SGCZ: variants seen among roughly 807,000 people sequenced by gnomAD.
SGCZ encodes sarcoglycan zeta.
Under a neutral mutation model 41.3 loss-of-function variants are expected in SGCZ, and 40 were observed. The ratio of observed to expected loss-of-function variants is 0.97; its 90% CI spans 0.75 to 1.26. SGCZ has a LOEUF of 1.26. Among genes scored for constraint, SGCZ ranks in the 50% most tolerant of loss-of-function variants. The pLI, the probability that SGCZ is intolerant of heterozygous loss-of-function variation, is 0.00. For missense variants in SGCZ, 552 were observed against 369.8 expected, an observed-to-expected ratio of 1.49 and a Z score of -4.04; for synonymous variants, 206 against 137.5, an observed-to-expected ratio of 1.50 and a Z score of -3.49.
intron 1 of SGCZ, among the ~76,000 whole-genome samples, chr8:15,127,447 T>C (rs559634339): frequency 6.6e-6 from 1 of 152,280 alleles, no homozygotes; most frequent in African/African-American, 2.4e-5. Flanking sequence ...AGACCAGATA[T>C]AGAGAGCAGT....
intron 1 of SGCZ, among the ~76,000 whole-genome samples, chr8:14,972,566 T>G (rs1415782204): frequency 1.3e-5 from 2 of 152,204 alleles, no homozygotes; most frequent in Non-Finnish European, 2.9e-5. Context: ...CTATTTGTTC[T>G]CTGCTCTTTT....
chr8:14,287,752 G>A (rs1209711475), intron 3 of SGCZ, among the ~76,000 whole-genome samples: 1 of 152,002 alleles, frequency 6.6e-6, no homozygotes, highest in South Asian at 2.1e-4. Flanking sequence ...ATCTCATTAA[G>A]CTACATTGAC....
At chr8:14,963,181 A>T (rs1161209206) in intron 1 of SGCZ, among the ~76,000 whole-genome samples, 1 of 152,230 alleles carries the variant, frequency 6.6e-6, no homozygotes, top group Non-Finnish European at 1.5e-5. Context: ...GCAGGTAACT[A>T]CATCGAACAC....
chr8:14,966,708 G>A lies in SGCZ; in HGVS notation c.39+270877C>T, dbSNP rs546770483. 2.2e-4 allele frequency among the ~76,000 whole-genome samples: 33 copies of A among 152,160 alleles called. No individual in the cohort carries two copies. In the South Asian group the frequency reaches 6.2e-3, roughly 29 times the overall value. On this transcript the variant is annotated intron_variant, in intron 1 of 7. Transcript: ENST00000382080. Reference sequence around the variant, plus strand: ...AATGTAACATGATATTAATGTGCACGCACCTGCTTTAAAAACGCTTTGGGT... The same window carrying A: ...AATGTAACATGATATTAATGTGCACACACCTGCTTTAAAAACGCTTTGGGT...
chr8:14,349,078 T>G (rs536504356), intron 2 of SGCZ, among the ~76,000 whole-genome samples: 1 of 152,152 alleles, frequency 6.6e-6, no homozygotes, highest in African/African-American at 2.4e-5. Context: ...GACAACATTG[T>G]AAATTGTGGG....
intron 4 of SGCZ, among the ~76,000 whole-genome samples, chr8:14,199,699 G>A (rs2117066702): frequency 6.6e-6 from 1 of 152,174 alleles, no homozygotes; most frequent in East Asian, 1.9e-4. Context: ...AAAGCTTAGG[G>A]AAAATAGAAA....
At chr8:14,103,755 C>CTATT (rs2116988007) in intron 6 of SGCZ, among the ~76,000 whole-genome samples, 1 of 152,046 alleles carries the variant, frequency 6.6e-6, no homozygotes, top group East Asian at 1.9e-4. Flanking sequence ...TTGAATGTGT[C>CTATT]TATTTTTAAG....
At chr8:14,208,440 T>TAC (rs1805688710) in intron 4 of SGCZ, among the ~76,000 whole-genome samples, 3 of 152,030 alleles carry the variant, frequency 2.0e-5, no homozygotes, top group Admixed American at 6.6e-5. Context: ...CTAGAGCAAG[T>TAC]ATGGAGGAAC....
intron 1 of SGCZ, among the ~76,000 whole-genome samples, chr8:14,732,356 C>G (rs926372863): frequency 2.0e-5 from 3 of 152,144 alleles, no homozygotes; most frequent in African/African-American, 7.2e-5. Context: ...CTCCTCACTT[C>G]CAACTCTTTC....
At chr8:14,807,757 G>C (rs1382987561) in intron 1 of SGCZ, among the ~76,000 whole-genome samples, 1 of 151,978 alleles carries the variant, frequency 6.6e-6, no homozygotes, top group African/African-American at 2.4e-5. Context: ...AACCAAAAAA[G>C]AGCCCGCATC....
intron 4 of SGCZ, among the ~76,000 whole-genome samples, chr8:14,225,063 C>A (rs1166662585): frequency 6.6e-6 from 1 of 152,104 alleles, no homozygotes; most frequent in East Asian, 1.9e-4. Flanking sequence ...TTTAAAGCTA[C>A]TTATTCCTAA....
intron 1 of SGCZ, among the ~76,000 whole-genome samples, chr8:14,568,912 G>C (rs1049036790): frequency 2.6e-5 from 4 of 152,090 alleles, no homozygotes; most frequent in Non-Finnish European, 4.4e-5. Flanking sequence ...AACATATTCA[G>C]GGGCATGGTG....
intron 1 of SGCZ, among the ~76,000 whole-genome samples, chr8:14,975,008 G>C (rs555011349): frequency 6.6e-6 from 1 of 152,170 alleles, no homozygotes; most frequent in South Asian, 2.1e-4. Flanking sequence ...CTAGATTATG[G>C]CAATGTTCAA....
At chr8:14,770,108 AT>A (rs1296174192) in intron 1 of SGCZ, among the ~76,000 whole-genome samples, 2 of 148,894 alleles carry the variant, frequency 1.3e-5, no homozygotes, top group Non-Finnish European at 1.5e-5. Flanking sequence ...GTATAATAAT[AT>A]TTTTATAATA....
At chr8:14,194,926 G>C in intron 4 of SGCZ, among the ~76,000 whole-genome samples, 1 of 151,962 alleles carries the variant, frequency 6.6e-6, no homozygotes, top group East Asian at 1.9e-4. Flanking sequence ...GCTATGATCT[G>C]CCAAAGAAAC....
intron 5 of SGCZ, among the ~76,000 whole-genome samples, chr8:14,155,729 A>G (rs775795781): frequency 2.0e-5 from 3 of 150,998 alleles, no homozygotes; most frequent in Non-Finnish European, 2.9e-5. Context: ...TATATATACA[A>G]AGGCATATAT....
chr8:14,156,166 T>C (rs563180259), intron 5 of SGCZ, among the ~76,000 whole-genome samples: 7 of 152,234 alleles, frequency 4.6e-5, no homozygotes, highest in African/African-American at 1.7e-4. Context: ...CGACGCTGAA[T>C]TTATTTAAAA....
intron 1 of SGCZ, among the ~76,000 whole-genome samples, chr8:15,166,009 T>A (rs568122209): frequency 6.6e-6 from 1 of 152,306 alleles, no homozygotes; most frequent in African/African-American, 2.4e-5. Flanking sequence ...TTTGGCAAAA[T>A]AAATAATTTA....
At chr8:14,709,051 C>T (rs1358399465) in intron 1 of SGCZ, among the ~76,000 whole-genome samples, 2 of 152,092 alleles carry the variant, frequency 1.3e-5, no homozygotes, top group East Asian at 3.8e-4. Flanking sequence ...CCAAATATTT[C>T]AACGAAATTA....
Sources: gnomAD v4.1 joint callset for allele counts (sites outside exome capture counted in the v4.1 genomes callset) on GRCh38, gnomAD v4.1.1 for gene constraint, MANE v1.5 for transcripts, NCBI Gene and HGNC (gene_info 2026-07-23, HGNC 2026-07-21) for gene names.